Variants in VRK2 observed in about 807,000 individuals in gnomAD.
The protein encoded by VRK2 is VRK serine/threonine kinase 2, also known as serine/threonine-protein kinase VRK2.
VRK2 carries 60 observed loss-of-function variants against 57.6 expected under a neutral mutation model. That is an observed-to-expected ratio of 1.04 (90% CI 0.85 to 1.29). The LOEUF (loss-of-function observed/expected upper bound fraction) is 1.29. VRK2 is among the 50% of genes most tolerant of loss of function. VRK2 has a pLI of 0.00. For synonymous variants in VRK2, 231 were observed against 199.2 expected (o/e 1.16, Z -1.35); for missense variants, 705 against 588.1 (o/e 1.20, Z -2.06).
chr2:58,029,530 T>G (rs1465049233), intron 2 of VRK2, among the ~76,000 whole-genome samples: 1 of 152,164 alleles, frequency 6.6e-6, no homozygotes, highest in Non-Finnish European at 1.5e-5. Flanking sequence ...TTGACCAAAC[T>G]CTTGACCGGA....
At chr2:58,142,023 T>A (rs1681424294) in intron 11 of VRK2, among the ~76,000 whole-genome samples, 1 of 151,980 alleles carries the variant, frequency 6.6e-6, no homozygotes, top group South Asian at 2.1e-4. Context: ...TAGAGCTGTT[T>A]AACAGAGTAG....
At chr2:58,098,838 T>G (rs1249608119) in intron 7 of VRK2, among the ~76,000 whole-genome samples, 1 of 152,094 alleles carries the variant, frequency 6.6e-6, no homozygotes, top group Non-Finnish European at 1.5e-5. Flanking sequence ...TTTAACTAAC[T>G]TTTTGGTCAT....
chr2:57,919,163 A>G (rs540650036), intron 1 of VRK2, among the ~76,000 whole-genome samples: 2 of 152,232 alleles, frequency 1.3e-5, no homozygotes, highest in South Asian at 4.1e-4. Flanking sequence ...GACTCTGCCC[A>G]AAGAGGGGAA....
At chr2:57,985,778 T>G (rs1289631580) in intron 1 of VRK2, among the ~76,000 whole-genome samples, 3 of 152,038 alleles carry the variant, frequency 2.0e-5, no homozygotes, top group Non-Finnish European at 4.4e-5. Flanking sequence ...TGGCACTATT[T>G]ATGAACAATA....
In VRK2 at chr2:58,001,801, G is replaced by A. The variant is rs1037721671; in HGVS notation, c.-438-23864G>A. Reference sequence around the variant, plus strand: ...CGCGCCACTGCACTCCAGCCTGGGCGACAGAATAAGACTCTGTCTCAATAA... The same window carrying A: ...CGCGCCACTGCACTCCAGCCTGGGCAACAGAATAAGACTCTGTCTCAATAA... On this transcript the variant is annotated intron_variant, in intron 1 of 15. Transcript: ENST00000417641. Among the ~76,000 whole-genome samples the A allele has an allele frequency of 5.3e-5, 8 of 152,108 alleles. No homozygotes were observed. In the East Asian group the frequency reaches 7.7e-4, roughly 15 times the overall value.
intron 1 of VRK2, among the ~76,000 whole-genome samples, chr2:58,013,826 T>G (rs1258345436): frequency 2.6e-5 from 3 of 114,082 alleles, no homozygotes; most frequent in Non-Finnish European, 1.6e-5. Flanking sequence ...GCCACAGCAC[T>G]CCCTCCTGGG....
At chr2:57,951,324 T>A (rs556227318) in intron 1 of VRK2, among the ~76,000 whole-genome samples, 6 of 152,248 alleles carry the variant, frequency 3.9e-5, no homozygotes, top group African/African-American at 1.4e-4. Context: ...ATGATAAAAC[T>A]TGAACAGATG....
chr2:57,994,085 C>G (rs1672851627), intron 1 of VRK2, among the ~76,000 whole-genome samples: 1 of 152,174 alleles, frequency 6.6e-6, no homozygotes, highest in Non-Finnish European at 1.5e-5. Context: ...CCATCTTTGT[C>G]CTCTTCTTAT....
At chr2:58,020,947 G>C (rs1673736330) in intron 1 of VRK2, among the ~76,000 whole-genome samples, 1 of 152,018 alleles carries the variant, frequency 6.6e-6, no homozygotes, top group Admixed American at 6.6e-5. Context: ...TTCTCTATAA[G>C]TTTTTGATGT....
At chr2:58,080,029 T>C (rs964826659) in intron 2 of VRK2, among the ~76,000 whole-genome samples, 4 of 152,024 alleles carry the variant, frequency 2.6e-5, no homozygotes, top group Non-Finnish European at 5.9e-5. Flanking sequence ...ATTCACCAAA[T>C]ATTTAATACA....
chr2:58,004,182 A>C (rs550903535), intron 1 of VRK2, among the ~76,000 whole-genome samples: 23 of 152,058 alleles, frequency 1.5e-4, no homozygotes, highest in Middle Eastern at 3.4e-3. Context: ...ACATACACGC[A>C]TACAGCACAC....
chr2:57,918,753 T>C (rs1475924449), intron 1 of VRK2, among the ~76,000 whole-genome samples: 1 of 152,144 alleles, frequency 6.6e-6, no homozygotes, highest in Non-Finnish European at 1.5e-5. Context: ...TACTCTTCTA[T>C]TGAGTTAAGT....
At chr2:58,063,592 G>C (rs1165803064) in intron 2 of VRK2, among the ~76,000 whole-genome samples, 1 of 152,000 alleles carries the variant, frequency 6.6e-6, no homozygotes, top group Non-Finnish European at 1.5e-5. Context: ...AAACATTACT[G>C]CTTGTTGACA....
At chr2:58,149,655 G>C (rs1682698395) in intron 12 of VRK2, among the ~76,000 whole-genome samples, 1 of 151,718 alleles carries the variant, frequency 6.6e-6, no homozygotes, top group East Asian at 1.9e-4. Context: ...TCACCATTAA[G>C]TTAGCTGTTG....
At chr2:58,155,315 G>A (rs1683639990) in intron 12 of VRK2, among the ~76,000 whole-genome samples, 2 of 152,208 alleles carry the variant, frequency 1.3e-5, no homozygotes, top group Admixed American at 6.5e-5. Flanking sequence ...CAGTTTCTGA[G>A]GCCAGAGTGG....
chr2:57,998,033 A>C (rs1672979768), intron 1 of VRK2, among the ~76,000 whole-genome samples: 1 of 152,218 alleles, frequency 6.6e-6, no homozygotes, highest in South Asian at 2.1e-4. Flanking sequence ...TATATTCAGA[A>C]TGGATGCTGA....
chr2:58,137,196 A>ATATCATATATATGATACATG (rs1680532231), intron 10 of VRK2, among the ~76,000 whole-genome samples: 1 of 6,286 alleles, frequency 1.6e-4, no homozygotes, highest in African/African-American at 2.3e-4. Context: ...TATGATACAT[A>ATATCATATATATGATACATG]TATATCTCAT....
chr2:58,051,799 G>C (rs1253592168), intron 2 of VRK2, among the ~76,000 whole-genome samples: 1 of 152,124 alleles, frequency 6.6e-6, no homozygotes, highest in Non-Finnish European at 1.5e-5. Context: ...ATTTACTCTT[G>C]ACTTGGAGAA....
At chr2:57,947,447 T>C (rs1671296345) in intron 1 of VRK2, among the ~76,000 whole-genome samples, 1 of 152,136 alleles carries the variant, frequency 6.6e-6, no homozygotes, top group Non-Finnish European at 1.5e-5. Flanking sequence ...CATCTTAACC[T>C]CACAAACTTA....
Sources: allele counts gnomAD v4.1 joint callset (sites outside exome capture counted in the v4.1 genomes callset), GRCh38; gene constraint gnomAD v4.1.1; transcripts MANE v1.5; gene names NCBI Gene and HGNC (gene_info 2026-07-23, HGNC 2026-07-21).